The following ARMC3 variants were observed in gnomAD, a reference collection of about 807,000 sequenced individuals.
ARMC3 encodes the protein armadillo repeat-containing protein 3.
Under a neutral mutation model 90.3 loss-of-function variants are expected in ARMC3, and 74 were observed. That is an observed-to-expected ratio of 0.82 (90% confidence interval 0.68 to 0.99). The LOEUF (loss-of-function observed/expected upper bound fraction) is 0.99, where lower values mean the gene tolerates loss of function less well. Ranked by LOEUF, ARMC3 falls within the 50% of genes least tolerant of loss-of-function variation. The probability of loss-of-function intolerance (pLI) is 0.00; values close to 1 mark genes in which losing one functional copy is unlikely to be tolerated. For synonymous variants in ARMC3, 334 were observed against 361.8 expected (o/e 0.92, Z 0.87); for missense variants, 958 against 1,042.8 (o/e 0.92, Z 1.12).
chr10:22,941,247 C>CT (rs1834318361), intron 2 of ARMC3, among the ~76,000 whole-genome samples: 2 of 152,158 alleles, frequency 1.3e-5, no homozygotes, highest in African/African-American at 4.8e-5. Context: ...GGCATGGAAA[C>CT]TTTCACATAT....
chr10:23,026,241 A>G lies in ARMC3; in HGVS notation c.2046-4355A>G, dbSNP rs1838712582. 1.3e-5 allele frequency among the ~76,000 whole-genome samples: 2 copies of G among 152,104 alleles called. 1 individual carries two copies. The highest frequency in any genetic ancestry group is 4.1e-4 in the South Asian group (2 of 4,832). ...ACTCACGATGATCTAATGCCAATCT[A>G]TTTGCATTAGGTTACTCTAGTGCCA... On this transcript the variant is annotated intron_variant, in intron 16 of 18. Coordinates refer to ENST00000298032, the MANE Select transcript of ARMC3 (RefSeq NM_173081.5).
chr10:22,973,932 G>A (rs1281053204), intron 8 of ARMC3, among the ~76,000 whole-genome samples: 1 of 151,120 alleles, frequency 6.6e-6, no homozygotes, highest in Non-Finnish European at 1.5e-5. Flanking sequence ...CTAATTTTTT[G>A]TATTTTTAGT....
intron 8 of ARMC3, among the ~76,000 whole-genome samples, chr10:22,970,118 A>G (rs142341832): frequency 1.6e-3 from 237 of 152,322 alleles, no homozygotes; most frequent in Non-Finnish European, 2.4e-3. Flanking sequence ...CAAAGTGATT[A>G]ATGATGGAAA....
At chr10:22,939,219 G>A (rs1834225334) in intron 2 of ARMC3, among the ~76,000 whole-genome samples, 1 of 152,142 alleles carries the variant, frequency 6.6e-6, no homozygotes, top group South Asian at 2.1e-4. Flanking sequence ...AGTTCAAGGA[G>A]GATTAGGTGG....
rs1348598673 is a variant in ARMC3, at chr10:22,984,635, T to C, written c.1175+2935T>C. Among the ~76,000 whole-genome samples the C allele has an allele frequency of 2.0e-5, 3 of 152,070 alleles. 1 individual carries two copies. Among genetic ancestry groups the C allele is most frequent in the African/African-American group, 7.2e-5 (3 of 41,406 alleles). ...TGATGATGAGCAATTTTAGTAGCAA[T>C]CATAAATAAATAATCAGACCATTCA... On this transcript the variant is annotated intron_variant, in intron 10 of 18. Coordinates refer to ENST00000298032, the MANE Select transcript of ARMC3 (RefSeq NM_173081.5).
chr10:22,998,546 T>C (rs1370469740), intron 11 of ARMC3, 149 bp downstream of exon 11: 2 of 1,105,572 alleles, frequency 1.8e-6, no homozygotes, highest in East Asian at 2.6e-5. Context: ...GGCATTGTCT[T>C]GTCTTGTTTG....
At chr10:23,032,728 T>G in intron 17 of ARMC3, 133 bp from the exon 18 acceptor site, 3 of 922,932 alleles carry the variant, frequency 3.3e-6, no homozygotes, top group Non-Finnish European at 4.8e-6. Flanking sequence ...GGTTAGTACT[T>G]TCTCAAAAAT....
Position 22,946,237 on chromosome 10 carries a change from G to A in ARMC3, c.142G>A (p.Ala48Thr), listed in dbSNP as rs1400595393. The A allele has an allele frequency of 1.2e-6, 2 of 1,608,470 alleles. No individual in the cohort carries two copies. The highest frequency in any genetic ancestry group is 2.2e-5 in the South Asian group (2 of 89,970). Residue 48 changes from alanine to threonine, a missense_variant, in exon 3 of 19, where the codon GCC becomes ACC. By Grantham distance (58) the Ala-to-Thr change is moderately conservative. Coordinates refer to ENST00000298032, the MANE Select transcript of ARMC3 (RefSeq NM_173081.5). Reference sequence around the variant, plus strand: ...GGAAATTTTGGCTAAAGCATGTGAAGCCATTTATAAATTTGCTTTAAAAGG... The same window carrying A: ...GGAAATTTTGGCTAAAGCATGTGAAACCATTTATAAATTTGCTTTAAAAGG... ...EEEILAKACE[A>T]IYKFALKGEE...
chr10:22,931,882 G>T, intron 1 of ARMC3, 114 bp from the exon 2 acceptor site: 1 of 794,794 alleles, frequency 1.3e-6, no homozygotes. Context: ...GTATTGCATT[G>T]TGTTTTAGGA....
Position 23,030,617 on chromosome 10 carries a change from AG to A in ARMC3, c.2068del (p.Glu690ArgfsTer4). On this transcript the variant is annotated frameshift_variant, in exon 17 of 19. Transcript: ENST00000298032. Reference protein sequence around the residue: ...GWRKSKGKKEEEKVKEEEEVM... With the variant: ...GWRKSKGKKEXEKVKEEEEVM... ...AAAGGAAAAGCAAAGGAAAAAAAGA[AG>A]AGGAAAAAGTGAAAGAGGAGGAAGA... 1 of 1,613,298 alleles carries A rather than the reference AG, an allele frequency of 6.2e-7. No individual in the cohort carries two copies. The highest frequency in any genetic ancestry group is 8.5e-7 in the Non-Finnish European group (1 of 1,179,644).
At chr10:22,948,333 G>A (rs566855362) in intron 3 of ARMC3, among the ~76,000 whole-genome samples, 11 of 152,088 alleles carry the variant, frequency 7.2e-5, no homozygotes, top group Middle Eastern at 3.4e-3. Flanking sequence ...GCTGTCACGT[G>A]TATCTAATTA....
chr10:22,968,295 T>C lies in ARMC3; in HGVS notation c.733-11T>C. ...ACAACTTTCTAAAGTTGTATTTGCT[T>C]TTATTATTAGGAATTGAATGACCTT... On this transcript the variant is annotated splice_polypyrimidine_tract_variant and intron_variant, in intron 7 of 18. Coordinates refer to ENST00000298032, the MANE Select transcript of ARMC3 (RefSeq NM_173081.5). 6.2e-7 allele frequency: 1 copy of C among 1,610,746 alleles called. No homozygotes were observed. Among genetic ancestry groups the C allele is most frequent in the South Asian group, 1.1e-5 (1 of 90,546 alleles).
chr10:22,936,677 A>C (rs1344985439), intron 2 of ARMC3, among the ~76,000 whole-genome samples: 1 of 152,180 alleles, frequency 6.6e-6, no homozygotes, highest in African/African-American at 2.4e-5. Context: ...TAATGACAGC[A>C]CAGTATTATT....
chr10:22,938,803 C>T (rs996331297), intron 2 of ARMC3, among the ~76,000 whole-genome samples: 1 of 152,120 alleles, frequency 6.6e-6, no homozygotes, highest in African/African-American at 2.4e-5. Context: ...AGCAAGCAAG[C>T]AAGCCTAGTC....
intron 16 of ARMC3, among the ~76,000 whole-genome samples, chr10:23,017,741 G>A (rs1479001347): frequency 1.3e-5 from 2 of 152,366 alleles, no homozygotes; most frequent in South Asian, 2.1e-4. Flanking sequence ...ATTCCAGCCT[G>A]GGCAACAGAG....
At chr10:22,997,343 C>G (rs1837027713) in intron 10 of ARMC3, 1 of 152,242 alleles carries the variant, frequency 6.6e-6, no homozygotes, top group Non-Finnish European at 1.5e-5. Context: ...CCCGGGAAAA[C>G]CGGGTGCTCA....
chr10:23,000,802 T>C (rs775930985), intron 11 of ARMC3, among the ~76,000 whole-genome samples: 3 of 152,156 alleles, frequency 2.0e-5, no homozygotes, highest in African/African-American at 7.2e-5. Context: ...TCCACAGGGA[T>C]CCTGTCTTAG....
At chr10:22,995,418 G>A (rs552090837) in intron 10 of ARMC3, among the ~76,000 whole-genome samples, 25 of 152,008 alleles carry the variant, frequency 1.6e-4, no homozygotes, top group African/African-American at 4.6e-4. Flanking sequence ...AGCAAATTAC[G>A]GGCAAATATG....
At chr10:23,017,950 T>A (rs1392677113) in intron 16 of ARMC3, among the ~76,000 whole-genome samples, 1 of 152,220 alleles carries the variant, frequency 6.6e-6, no homozygotes, top group Non-Finnish European at 1.5e-5. Flanking sequence ...GATCCTATTA[T>A]AATGAACAAG....
Sources: allele counts gnomAD v4.1 joint callset (sites outside exome capture counted in the v4.1 genomes callset), GRCh38; gene constraint gnomAD v4.1.1; transcripts MANE v1.5; gene names NCBI Gene and HGNC (gene_info 2026-07-23, HGNC 2026-07-21).